Variants in SARDH observed in about 807,000 individuals in gnomAD.
SARDH encodes the protein sarcosine dehydrogenase, mitochondrial.
A neutral mutation model predicts 109.1 loss-of-function variants in SARDH; 95 were observed. The observed-to-expected ratio is 0.87, with a 90% CI of 0.74 to 1.03. The LOEUF is 1.03. SARDH is among the 50% of genes least tolerant of loss of function. SARDH has a pLI of 0.00. For synonymous variants in SARDH, 572 were observed against 534.8 expected (o/e 1.07, Z -0.96); for missense variants, 1,267 against 1,287.8 (o/e 0.98, Z 0.25).
chr9:133,679,276 C>T (rs1390026979), intron 17 of SARDH, among the ~76,000 whole-genome samples: 1 of 152,190 alleles, frequency 6.6e-6, no homozygotes, highest in African/African-American at 2.4e-5. Context: ...TTCTGTAAAG[C>T]GAGTGTTTAG....
downstream of SARDH, among the ~76,000 whole-genome samples, chr9:133,660,228 G>A (rs1832395646): frequency 6.6e-6 from 1 of 152,098 alleles, no homozygotes; most frequent in Non-Finnish European, 1.5e-5. Flanking sequence ...CCACACTGAG[G>A]CTATGCACAG....
Position 133,692,879 on chromosome 9 carries a change from C to T in SARDH, c.1921+1379G>A, listed in dbSNP as rs1211068070. 2.0e-5 allele frequency among the ~76,000 whole-genome samples: 3 copies of T among 152,158 alleles called. No individual in the cohort carries two copies. Among genetic ancestry groups the T allele is most frequent in the Non-Finnish European group, 2.9e-5 (2 of 68,004 alleles). On this transcript the variant is annotated intron_variant, in intron 15 of 20. Coordinates refer to ENST00000439388, the MANE Select transcript of SARDH (RefSeq NM_001134707.2). This position sits in a 1 kb window ranked among gnomAD's most constrained non-coding sequence, Gnocchi z 5.0. ...CCAACGGCAGGAGGGAAGGGGTGGG[C>T]GAGCTCTGCGCACCCCATAGGACCC...
At chr9:133,719,146 C>A in intron 6 of SARDH, 104 bp from the exon 7 acceptor site, 1 of 883,992 alleles carries the variant, frequency 1.1e-6, no homozygotes, top group East Asian at 2.5e-5. Flanking sequence ...GTCACGGGCT[C>A]GAGATGGTCC....
intron 6 of SARDH, among the ~76,000 whole-genome samples, chr9:133,724,527 T>C (rs1217011719): frequency 6.6e-6 from 1 of 152,168 alleles, no homozygotes; most frequent in East Asian, 1.9e-4. Context: ...TTGGTGAGGA[T>C]GGAGGGGAGC....
rs770328291 is a variant in SARDH at position 133,670,747 on chromosome 9, G to A, written c.2332C>T (p.Arg778Trp). ...GGCCGCAGGTCCGCGTGCCAGTGCC[G>A]GTAGCCTGTGGGAAGGGAATCCATG... ...IDSLSIEKGY[R>W]HWHADLRPDD... Residue 778 changes from arginine (R) to tryptophan (W), a missense_variant, in exon 19 of 21, where the codon CGG (arginine) becomes TGG (tryptophan). Physicochemically the swap from Arg to Trp is moderately radical, Grantham distance 101. Coordinates refer to ENST00000439388, the MANE Select transcript of SARDH (RefSeq NM_001134707.2). 2.0e-5 allele frequency: 32 copies of A among 1,571,480 alleles called. No homozygotes were observed. The highest frequency in any genetic ancestry group is 4.1e-5 in the African/African-American group (3 of 73,484).
intron 7 of SARDH, among the ~76,000 whole-genome samples, chr9:133,717,997 G>C (rs562375942): frequency 6.6e-6 from 1 of 152,314 alleles, no homozygotes; most frequent in African/African-American, 2.4e-5. Flanking sequence ...TTCTGCTCCA[G>C]TCTCTCTAGG....
At chr9:133,688,041 T>G (rs1830947717) in intron 16 of SARDH, among the ~76,000 whole-genome samples, 1 of 152,018 alleles carries the variant, frequency 6.6e-6, no homozygotes, top group Non-Finnish European at 1.5e-5. Context: ...ACCTCCTCCC[T>G]CCACGGCCCA....
At chr9:133,705,931 A>C (rs533604572) in intron 11 of SARDH, among the ~76,000 whole-genome samples, 4 of 152,240 alleles carry the variant, frequency 2.6e-5, no homozygotes, top group South Asian at 2.1e-4. Flanking sequence ...AAGGTGGCCG[A>C]CTACAAGCCA....
At chr9:133,725,672 T>C (rs894246681) in intron 6 of SARDH, 1 of 233,820 alleles carries the variant, frequency 4.3e-6, no homozygotes, top group African/African-American at 2.3e-5. Flanking sequence ...TGAAACTCTG[T>C]CTCAAAAAAA....
chr9:133,665,212 G>C (rs1054047674), intron 20 of SARDH, among the ~76,000 whole-genome samples: 6 of 142,364 alleles, frequency 4.2e-5, no homozygotes, highest in Non-Finnish European at 6.1e-5. Flanking sequence ...GTTTAACCTC[G>C]GAACCTCGGC....
intron 18 of SARDH, 25 bp from the exon 19 acceptor site, chr9:133,670,777 C>T (rs367656425): frequency 1.2e-5 from 19 of 1,544,008 alleles, no homozygotes; most frequent in Non-Finnish European, 1.6e-5. Flanking sequence ...TCCATGGGGT[C>T]GGTGCCACCC....
At chr9:133,668,321 C>G (rs10993957) in intron 19 of SARDH, among the ~76,000 whole-genome samples, 3 of 115,012 alleles carry the variant, frequency 2.6e-5, no homozygotes, top group Non-Finnish European at 3.6e-5. Context: ...CTCCCCCACC[C>G]TCCCTCTCCC....
chr9:133,671,497 C>A, intron 18 of SARDH, 38 bp downstream of exon 18: 1 of 1,514,720 alleles, frequency 6.6e-7, no homozygotes, highest in South Asian at 1.2e-5. Flanking sequence ...CCCCACTGCG[C>A]CCGCCCCCGC....
Position 133,671,586 on chromosome 9 carries a change from C to T in SARDH, c.2275G>A (p.Gly759Ser), listed in dbSNP as rs774102943. 3.5e-5 allele frequency: 57 copies of T among 1,607,510 alleles called. No homozygotes were observed. Among genetic ancestry groups the T allele is most frequent in the African/African-American group, 8.0e-5 (6 of 74,804 alleles). ...GCGCGGTACCCTGCGTTGATGAGGC[C>T]GTGCTTGGCACCCGCGGCCATCACA... Reference protein sequence around the residue: ...RAVMAAGAKHGLINAGYRAID... With the variant: ...RAVMAAGAKHSLINAGYRAID... The change falls in exon 18 of 21, where the codon GGC becomes AGC. Residue 759 changes from glycine to serine, a missense_variant. Gly to Ser is a moderately conservative substitution (Grantham distance 56, BLOSUM62 0). Coordinates refer to ENST00000439388, the MANE Select transcript of SARDH (RefSeq NM_001134707.2).
chr9:133,673,746 G>A (rs948103050), intron 17 of SARDH, among the ~76,000 whole-genome samples: 1 of 152,228 alleles, frequency 6.6e-6, no homozygotes, highest in African/African-American at 2.4e-5. Flanking sequence ...GATAGCCTAT[G>A]GAGGAGCTCG....
downstream of SARDH, among the ~76,000 whole-genome samples, chr9:133,663,135 C>G (rs1829939719): frequency 6.6e-6 from 1 of 152,218 alleles, no homozygotes; most frequent in South Asian, 2.1e-4. Flanking sequence ...GACTCTTACC[C>G]AGCAGCACGT....
intron 6 of SARDH, among the ~76,000 whole-genome samples, chr9:133,726,400 G>A (rs185377551): frequency 2.2e-3 from 34 of 15,782 alleles, no homozygotes; most frequent in Non-Finnish European, 4.4e-3. Flanking sequence ...AATAATAGTA[G>A]TAGTAGTAGT....
chr9:133,716,261 G>A (rs1158906109), intron 8 of SARDH, among the ~76,000 whole-genome samples: 1 of 152,242 alleles, frequency 6.6e-6, no homozygotes, highest in Non-Finnish European at 1.5e-5. Flanking sequence ...CTGCCAGAAG[G>A]AGGGCGCTGG....
Position 133,663,915 on chromosome 9 carries a change from T to C in SARDH, c.2731A>G (p.Asn911Asp), listed in dbSNP as rs1432194157. 4.3e-6 allele frequency: 7 copies of C among 1,613,950 alleles called. No individual in the cohort carries two copies. The highest frequency in any genetic ancestry group is 5.9e-6 in the Non-Finnish European group (7 of 1,180,024). ...CAGTAGATTCCCTTCACCCTCTTGT[T>C]GTTGGGGTCGAAGGGCGACTTCAGG... is the stretch of plus-strand genomic sequence containing the variant. The part of the protein sequence containing the change: ...AHLKSPFDPN[N>D]KRVKGIY The change falls in exon 21 of 21, where the codon AAC (asparagine) becomes GAC (aspartate). Residue 911 changes from asparagine (N) to aspartate (D), a missense_variant. Coordinates refer to ENST00000439388, the MANE Select transcript of SARDH (RefSeq NM_001134707.2).
Sources: allele counts gnomAD v4.1 joint callset (sites outside exome capture counted in the v4.1 genomes callset), GRCh38; gene constraint gnomAD v4.1.1; non-coding constraint Gnocchi (gnomAD v3.1); transcripts MANE v1.5; gene names NCBI Gene and HGNC (gene_info 2026-07-23, HGNC 2026-07-21).